Variants in SCAI observed in about 807,000 individuals in gnomAD.
SCAI encodes the protein protein SCAI.
SCAI carries 24 observed loss-of-function variants against 92.2 expected under a neutral mutation model. The ratio of observed to expected loss-of-function variants is 0.26; its 90% CI spans 0.19 to 0.37. The LOEUF is 0.37. SCAI is among the 10% of genes least tolerant of loss of function. The pLI, the probability that SCAI is intolerant of heterozygous loss-of-function variation, is 1.00. For missense variants in SCAI, 450 were observed against 736.2 expected (o/e 0.61, Z 4.50); for synonymous variants, 261 against 258.6 (o/e 1.01, Z -0.09).
intron 14 of SCAI, among the ~76,000 whole-genome samples, chr9:124,987,967 A>C (rs776500934): frequency 1.3e-4 from 20 of 148,712 alleles, no homozygotes; most frequent in Admixed American, 3.3e-4. Context: ...CTTCTCAAAA[A>C]ACAAACAAAC....
At chr9:124,967,099 T>TGCA (rs1330471088) in intron 17 of SCAI, among the ~76,000 whole-genome samples, 1 of 152,148 alleles carries the variant, frequency 6.6e-6, no homozygotes, top group Non-Finnish European at 1.5e-5. Context: ...ATGTATAAAG[T>TGCA]GCAGGTCAGT....
At chr9:125,123,824 A>G (rs908291761) in intron 2 of SCAI, among the ~76,000 whole-genome samples, 6 of 152,246 alleles carry the variant, frequency 3.9e-5, no homozygotes, top group Admixed American at 3.3e-4. Context: ...GCCACTTTGC[A>G]GGATTTTAGG....
intron 2 of SCAI, among the ~76,000 whole-genome samples, chr9:125,107,858 TCCACGGTCTC>T (rs1834833700): frequency 6.6e-6 from 1 of 152,130 alleles, no homozygotes; most frequent in African/African-American, 2.4e-5. Context: ...TCCCTCTCTT[TCCACGGTCTC>T]CCTCTGATGC....
At chr9:125,062,410 G>A (rs1833786859) in intron 2 of SCAI, among the ~76,000 whole-genome samples, 1 of 150,054 alleles carries the variant, frequency 6.7e-6, no homozygotes, top group Non-Finnish European at 1.5e-5. Flanking sequence ...ACAGGCATGG[G>A]CCACTGTGCC....
chr9:124,984,441 G>C lies in SCAI; in HGVS notation c.1327-8255C>G, dbSNP rs77891998. ...AGCGAGGAAGGAGGAAGACTCATTA[G>C]AAGGCTACTGCAGTAATTCAGGTGA... On this transcript the variant is annotated intron_variant, in intron 14 of 17. Transcript: ENST00000336505. 6.6e-5 allele frequency among the ~76,000 whole-genome samples: 10 copies of C among 152,364 alleles called. No individual in the cohort carries two copies. The East Asian group carries it at 1.7e-3, about 26-fold the overall frequency.
In SCAI at chr9:125,125,145, C is replaced by T. The variant is rs547283583; in HGVS notation, c.98+17488G>A. 2.6e-5 allele frequency among the ~76,000 whole-genome samples: 4 copies of T among 152,190 alleles called. No homozygotes were observed. The South Asian group carries it at 6.2e-4, about 24-fold the overall frequency. On this transcript the variant is annotated intron_variant, in intron 2 of 17. Transcript: ENST00000336505. ...CTGAGGCAGGAGAATCGCTTAAATC[C>T]GGGAGGTGGAAGTTGCAGTGAGCTG...
chr9:125,022,585 T>C (rs958585095), intron 6 of SCAI, among the ~76,000 whole-genome samples: 1 of 152,154 alleles, frequency 6.6e-6, no homozygotes, highest in Non-Finnish European at 1.5e-5. Flanking sequence ...GTAATTTTTT[T>C]ATTTTTATTT....
intron 2 of SCAI, among the ~76,000 whole-genome samples, chr9:125,097,170 C>T (rs530870567): frequency 5.3e-5 from 8 of 152,282 alleles, no homozygotes; most frequent in South Asian, 4.2e-4. Flanking sequence ...CGGTGGCTCA[C>T]GCCTGTAATC....
Position 124,942,691 on chromosome 9 carries a change from T to G in SCAI, c.*10116A>C, listed in dbSNP as rs1254374708. 6.6e-6 allele frequency: 1 copy of G among 152,142 alleles called. No individual in the cohort carries two copies. Among genetic ancestry groups the G allele is most frequent in the African/African-American group, 2.4e-5 (1 of 41,434 alleles). 9.4% of individuals were successfully genotyped at this position (152,142 alleles called of 1,614,324 possible). A position where few individuals can be genotyped will look rare whatever the true frequency, so the allele number is the denominator to read the frequency against. ...AAGGTACAAAATTCATGTACAAGAG[T>G]TCACACCTGATGAATGTAGACACAT... On this transcript the variant is annotated 3_prime_UTR_variant, in exon 18 of 18. Transcript: ENST00000336505.
At chr9:125,062,627 C>T (rs1346351374) in intron 2 of SCAI, among the ~76,000 whole-genome samples, 10 of 151,258 alleles carry the variant, frequency 6.6e-5, no homozygotes, top group South Asian at 6.3e-4. Context: ...TGGTGGCACA[C>T]GCCTGTAATC....
At position 125,077,062 on chromosome 9, in the gene SCAI, T is replaced by C. The variant is rs552500125; in HGVS notation, c.99-21055A>G. Among the ~76,000 whole-genome samples, 15 of 152,282 alleles carry C rather than the reference T, an allele frequency of 9.9e-5. 1 individual carries two copies. The South Asian group carries it at 2.9e-3, about 29-fold the overall frequency. On this transcript the variant is annotated intron_variant, in intron 2 of 17. Coordinates refer to ENST00000336505, the MANE Select transcript of SCAI (RefSeq NM_001144877.3). ...AGCCAGGCATGATGGTGTGTGCCTG[T>C]AGTCTCACCTACTCGGGAAGGTGAG...
intron 2 of SCAI, among the ~76,000 whole-genome samples, chr9:125,107,923 AC>A (rs1055608691): frequency 1.1e-4 from 16 of 151,508 alleles, no homozygotes; most frequent in Non-Finnish European, 1.9e-4. Flanking sequence ...ACTCACTGCA[AC>A]CTCCCTGCCT....
At chr9:125,006,697 G>A (rs1237035630) in intron 9 of SCAI, among the ~76,000 whole-genome samples, 2 of 151,912 alleles carry the variant, frequency 1.3e-5, no homozygotes, top group Admixed American at 1.3e-4. Flanking sequence ...TCACCATATT[G>A]GTCAGGCTGG....
At chr9:125,018,164 G>A (rs921783716) in intron 9 of SCAI, among the ~76,000 whole-genome samples, 3 of 151,876 alleles carry the variant, frequency 2.0e-5, no homozygotes, top group Admixed American at 2.0e-4. Flanking sequence ...GTGTGATCTT[G>A]GCTCACTCCA....
chr9:124,959,570 G>A (rs1831397737), intron 17 of SCAI, among the ~76,000 whole-genome samples: 1 of 144,756 alleles, frequency 6.9e-6, no homozygotes, highest in South Asian at 2.2e-4. Context: ...TTAAGTTCTA[G>A]GGTACATGTG....
intron 9 of SCAI, among the ~76,000 whole-genome samples, chr9:125,014,944 T>C (rs936100444): frequency 3.9e-4 from 60 of 152,320 alleles, no homozygotes; most frequent in African/African-American, 1.4e-3. Context: ...GGATTCCCTA[T>C]TTAATAAATG....
At chr9:125,084,493 G>A (rs1349451118) in intron 2 of SCAI, among the ~76,000 whole-genome samples, 4 of 152,004 alleles carry the variant, frequency 2.6e-5, no homozygotes, top group East Asian at 3.9e-4. Context: ...TAAGCACTAC[G>A]TAAAAGAGGC....
chr9:124,984,091 A>G (rs1251189146), intron 14 of SCAI, among the ~76,000 whole-genome samples: 1 of 152,188 alleles, frequency 6.6e-6, no homozygotes. Context: ...AGACCTTTTA[A>G]AAGGCTTTAT....
At chr9:125,041,994 T>A (rs1833325661) in intron 3 of SCAI, among the ~76,000 whole-genome samples, 1 of 152,178 alleles carries the variant, frequency 6.6e-6, no homozygotes, top group Admixed American at 6.6e-5. Flanking sequence ...AAAAAACTCC[T>A]CTACTACTCA....
Sources: gnomAD v4.1 joint callset for allele counts (sites outside exome capture counted in the v4.1 genomes callset) on GRCh38, gnomAD v4.1.1 for gene constraint, MANE v1.5 for transcripts, NCBI Gene and HGNC (gene_info 2026-07-23, HGNC 2026-07-21) for gene names.